ROBO1: variants seen among roughly 807,000 people sequenced by gnomAD.
The protein encoded by ROBO1 is roundabout homolog 1.
A neutral mutation model predicts 195.9 loss-of-function variants in ROBO1; 149 were observed. The observed-to-expected ratio is 0.76, with a 90% CI of 0.67 to 0.87. The LOEUF (loss-of-function observed/expected upper bound fraction) is 0.87, where lower values mean the gene tolerates loss of function less well. ROBO1 is among the 40% of genes least tolerant of loss of function. The pLI is 0.00. For missense variants in ROBO1, 1,933 were observed against 2,068.3 expected (o/e 0.93, Z 1.27); for synonymous variants, 816 against 733.2 (o/e 1.11, Z -1.82).
intron 4 of ROBO1, among the ~76,000 whole-genome samples, chr3:78,794,052 G>T (rs2084109349): frequency 6.6e-6 from 1 of 152,044 alleles, no homozygotes; most frequent in African/African-American, 2.4e-5. Context: ...TATCATCAAA[G>T]ACCTACACTT....
intron 8 of ROBO1, among the ~76,000 whole-genome samples, chr3:78,699,143 C>T (rs1437617270): frequency 6.6e-6 from 1 of 152,096 alleles, no homozygotes; most frequent in Non-Finnish European, 1.5e-5. Flanking sequence ...CATCTACCTC[C>T]TTCTCTCTTT....
intron 3 of ROBO1, among the ~76,000 whole-genome samples, chr3:78,958,542 G>A (rs1033164703): frequency 1.3e-5 from 2 of 151,954 alleles, no homozygotes; most frequent in African/African-American, 2.4e-5. Flanking sequence ...AATGCCTTCC[G>A]ATAAGTACCC....
Position 79,521,226 on chromosome 3 carries a change from C to CT in ROBO1, c.88+68597dup, listed in dbSNP as rs1941196554. Among the ~76,000 whole-genome samples the CT allele has an allele frequency of 2.6e-5, 4 of 152,136 alleles. No homozygotes were observed. In the South Asian group the frequency reaches 8.3e-4, roughly 31 times the overall value. On this transcript the variant is annotated intron_variant, in intron 2 of 30. Transcript: ENST00000464233. ...AAGATTATTTTTTCCCCATCACTTG[C>CT]TTTTAACTGAAGTCAAGCAATTCAA...
chr3:79,738,404 T>C (rs561638873), intron 1 of ROBO1, among the ~76,000 whole-genome samples: 1 of 152,314 alleles, frequency 6.6e-6, no homozygotes, highest in Admixed American at 6.5e-5. Flanking sequence ...CATAAAATCT[T>C]TAACATTCCC....
chr3:79,217,604 T>C (rs1028516665), intron 2 of ROBO1, among the ~76,000 whole-genome samples: 4 of 151,994 alleles, frequency 2.6e-5, no homozygotes, highest in African/African-American at 7.2e-5. Context: ...GCTTTTTTCT[T>C]AGACTATTTC....
At chr3:79,441,801 T>C (rs576652686) in intron 2 of ROBO1, among the ~76,000 whole-genome samples, 1 of 152,256 alleles carries the variant, frequency 6.6e-6, no homozygotes, top group East Asian at 1.9e-4. Context: ...TTAGAAGTCA[T>C]ACTAGGCAGG....
chr3:78,969,218 C>T (rs1053619079), intron 3 of ROBO1, among the ~76,000 whole-genome samples: 4 of 152,094 alleles, frequency 2.6e-5, no homozygotes, highest in Non-Finnish European at 5.9e-5. Context: ...TTACTAAATT[C>T]CTAGAAGCTC....
At chr3:79,661,457 A>C (rs970448778) in intron 1 of ROBO1, among the ~76,000 whole-genome samples, 4 of 152,102 alleles carry the variant, frequency 2.6e-5, no homozygotes, top group Non-Finnish European at 4.4e-5. Context: ...TTAAAACCCA[A>C]GAGTTCTGCC....
chr3:79,198,964 T>G (rs1239987990), intron 2 of ROBO1, among the ~76,000 whole-genome samples: 1 of 152,030 alleles, frequency 6.6e-6, no homozygotes, highest in Non-Finnish European at 1.5e-5. Context: ...TACAATCAAG[T>G]CATCTGCAAA....
At chr3:79,715,054 C>A (rs1167886885) in intron 1 of ROBO1, among the ~76,000 whole-genome samples, 2 of 151,926 alleles carry the variant, frequency 1.3e-5, no homozygotes, top group Non-Finnish European at 2.9e-5. Flanking sequence ...TTACTGCAAT[C>A]TCATGATACA....
chr3:78,719,212 A>T (rs2608019), intron 5 of ROBO1, among the ~76,000 whole-genome samples: 1 of 152,166 alleles, frequency 6.6e-6, no homozygotes, highest in South Asian at 2.1e-4. Flanking sequence ...ATCCCTCATA[A>T]CCAGAATGAC....
At chr3:79,529,245 G>C (rs1941552820) in intron 2 of ROBO1, among the ~76,000 whole-genome samples, 1 of 152,158 alleles carries the variant, frequency 6.6e-6, no homozygotes, top group Non-Finnish European at 1.5e-5. Context: ...CATTTTCTGA[G>C]GCTGAGGGTG....
At chr3:78,728,353 A>T (rs1240543260) in intron 5 of ROBO1, among the ~76,000 whole-genome samples, 1 of 152,168 alleles carries the variant, frequency 6.6e-6, no homozygotes, top group East Asian at 1.9e-4. Context: ...GTCCAATATG[A>T]ACTCATAACA....
intron 2 of ROBO1, among the ~76,000 whole-genome samples, chr3:79,249,058 C>T (rs538944159): frequency 6.6e-6 from 1 of 152,168 alleles, no homozygotes; most frequent in Non-Finnish European, 1.5e-5. Flanking sequence ...ATCCTGTCTT[C>T]TTTTCTTTCT....
chr3:79,259,060 T>C lies in ROBO1; in HGVS notation c.89-133521A>G, dbSNP rs186897459. Among the ~76,000 whole-genome samples the C allele has an allele frequency of 4.5e-4, 69 of 152,062 alleles. 1 individual carries two copies. The highest frequency in any genetic ancestry group is 1.5e-5 in the Non-Finnish European group (1 of 68,004). ...CTAAACTTTAATATTCAAAGGACAA[T>C]TTGCTCTAAAATTTCCTACTTTTTT... On this transcript the variant is annotated intron_variant, in intron 2 of 30. Transcript: ENST00000464233.
At chr3:79,500,112 GTTTTCTCT>G (rs1358368481) in intron 2 of ROBO1, among the ~76,000 whole-genome samples, 1 of 127,316 alleles carries the variant, frequency 7.9e-6, no homozygotes, top group Non-Finnish European at 1.6e-5. Flanking sequence ...GCGGCAGTAA[GTTTTCTCT>G]TTTTTTTTTT....
chr3:79,753,544 T>C (rs2107487068), intron 1 of ROBO1, among the ~76,000 whole-genome samples: 1 of 152,306 alleles, frequency 6.6e-6, no homozygotes, highest in African/African-American at 2.4e-5. Context: ...CTCCTGATGT[T>C]GAGCAAGCAG....
chr3:79,624,280 C>T lies in ROBO1; in HGVS notation c.-50-34319G>A, dbSNP rs1036850705. ...AAAGACCAAAGACACTATGAAGAAA[C>T]GGCATCAACTAATGTGCAAAATAAT... On this transcript the variant is annotated intron_variant, in intron 1 of 30. Coordinates refer to ENST00000464233, the MANE Select transcript of ROBO1 (RefSeq NM_002941.4). Among the ~76,000 whole-genome samples, 9 of 151,996 alleles carry T rather than the reference C, an allele frequency of 5.9e-5. 1 individual carries two copies. The highest frequency in any genetic ancestry group is 1.9e-4 in the East Asian group (1 of 5,182).
At chr3:79,712,819 A>C (rs554398428) in intron 1 of ROBO1, among the ~76,000 whole-genome samples, 2 of 152,134 alleles carry the variant, frequency 1.3e-5, no homozygotes, top group Non-Finnish European at 2.9e-5. Flanking sequence ...TTACCGTTCC[A>C]AAAATCCTAG....
Sources: allele counts gnomAD v4.1 joint callset (sites outside exome capture counted in the v4.1 genomes callset), GRCh38; gene constraint gnomAD v4.1.1; transcripts MANE v1.5; gene names NCBI Gene and HGNC (gene_info 2026-07-23, HGNC 2026-07-21).